COG2: variants seen among roughly 807,000 people sequenced by gnomAD.
COG2 encodes the protein conserved oligomeric Golgi complex subunit 2.
A neutral mutation model predicts 90.6 loss-of-function variants in COG2; 52 were observed. The ratio of observed to expected loss-of-function variants is 0.57; its 90% CI spans 0.46 to 0.72. COG2 has a LOEUF of 0.72. COG2 is among the 30% of genes least tolerant of loss of function. The pLI is 0.00. For synonymous variants in COG2, 337 were observed against 320.4 expected, an observed-to-expected ratio of 1.05 and a Z score of -0.55; for missense variants, 829 against 891.2, an observed-to-expected ratio of 0.93 and a Z score of 0.89.
At position 230,671,657 on chromosome 1, in the gene COG2, T is replaced by C. The variant is rs1201678508; in HGVS notation, c.899+17T>C. The C allele has an allele frequency of 1.2e-6, 2 of 1,610,938 alleles. No homozygotes were observed. Among genetic ancestry groups the C allele is most frequent in the Non-Finnish European group, 1.7e-6 (2 of 1,178,560 alleles). ...CATCTCCAGGTAATTTAAACAACCC[T>C]GTGTGGACCCCCACCTCCCTTTCAG... On this transcript the variant is annotated intron_variant, in intron 8 of 17. Transcript: ENST00000366669.
At chr1:230,664,407 C>A in intron 4 of COG2, 77 bp from the exon 5 acceptor site, 2 of 550,572 alleles carry the variant, frequency 3.6e-6, no homozygotes, top group Non-Finnish European at 6.1e-6. Flanking sequence ...TTTGTATTTT[C>A]CTGTACTTAG....
chr1:230,657,880 T>C (rs1317990911), intron 1 of COG2, among the ~76,000 whole-genome samples: 3 of 152,086 alleles, frequency 2.0e-5, no homozygotes, highest in African/African-American at 7.2e-5. Flanking sequence ...TTGTGTGTGC[T>C]CCACGAAGTT....
chr1:230,693,070 GATAAATTAAC>G (rs1304028878), intron 17 of COG2, among the ~76,000 whole-genome samples: 1 of 152,056 alleles, frequency 6.6e-6, no homozygotes, highest in African/African-American at 2.4e-5. Context: ...GATGAACTGA[GATAAATTAAC>G]ATACTGGCTT....
At chr1:230,669,867 A>G (rs1188477153) in intron 7 of COG2, 1 of 217,426 alleles carries the variant, frequency 4.6e-6, no homozygotes, top group Non-Finnish European at 9.3e-6. Flanking sequence ...TTTTCAAATC[A>G]CTGGTCTTGT....
intron 7 of COG2, chr1:230,670,643 G>T (rs1411054085): frequency 6.6e-6 from 1 of 152,000 alleles, no homozygotes; most frequent in African/African-American, 2.4e-5. Flanking sequence ...GGGGGACAGG[G>T]TCTCACTCTG....
intron 1 of COG2, among the ~76,000 whole-genome samples, chr1:230,647,522 A>C (rs12034415): frequency 0.51 from 76,790 of 151,974 alleles, 20,433 homozygotes; most frequent in East Asian, 0.73. Flanking sequence ...CAGTTTCCTC[A>C]TTTATGTCAT....
Position 230,685,117 on chromosome 1 carries a change from A to G in COG2, c.1261A>G (p.Arg421Gly). Residue 421 changes from arginine to glycine, a missense_variant, in exon 12 of 18, where the codon AGA becomes GGA. By Grantham distance (125) the Arg-to-Gly change is moderately radical. Transcript: ENST00000366669. ...ESPYCLLASHRTWSSLRRCWS... is the reference protein window; with the variant it reads ...ESPYCLLASHGTWSSLRRCWS... ...TCCGTATTGCCTTTTGGCTTCTCAT[A>G]GAACTTGGAGCAGCCTTAGGAGGTG... 2 of 1,614,166 alleles carry G rather than the reference A, an allele frequency of 1.2e-6. No homozygotes were observed. The highest frequency in any genetic ancestry group is 2.2e-5 in the South Asian group (2 of 91,070).
chr1:230,685,073 T>C lies in COG2; in HGVS notation c.1229-12T>C. 6.2e-7 allele frequency: 1 copy of C among 1,613,752 alleles called. No individual in the cohort carries two copies. Among genetic ancestry groups the C allele is most frequent in the South Asian group, 1.1e-5 (1 of 91,006 alleles). On this transcript the variant is annotated splice_polypyrimidine_tract_variant and intron_variant, in intron 11 of 17. Coordinates refer to ENST00000366669, the MANE Select transcript of COG2 (RefSeq NM_007357.3). The stretch of plus-strand genomic sequence containing the variant: ...ATTCCTTAAATGTGTGTTGTTGTTG[T>C]TTTTTCTCTAGCTGAAAGTCCGTAT...
In COG2 at chr1:230,674,983, G is replaced by A. The variant is rs1268603846; in HGVS notation, c.900-15G>A. Reference sequence around the variant, plus strand: ...ATTATGGTATATTTTACTGATATGTGCCCTTATTTTACAGTGAAAAAGGCA... The same window carrying A: ...ATTATGGTATATTTTACTGATATGTACCCTTATTTTACAGTGAAAAAGGCA... On this transcript the variant is annotated splice_polypyrimidine_tract_variant and intron_variant, in intron 8 of 17. Coordinates refer to ENST00000366669, the MANE Select transcript of COG2 (RefSeq NM_007357.3). 2 of 1,595,316 alleles carry A rather than the reference G, an allele frequency of 1.3e-6. No homozygotes were observed. The highest frequency in any genetic ancestry group is 2.3e-5 in the East Asian group (1 of 44,244).
intron 1 of COG2, among the ~76,000 whole-genome samples, chr1:230,654,809 C>G (rs1662010382): frequency 6.6e-6 from 1 of 152,196 alleles, no homozygotes; most frequent in Non-Finnish European, 1.5e-5. Context: ...AGAGGTCCTT[C>G]ACATCCCTTG....
chr1:230,678,772 G>T, intron 9 of COG2, 141 bp from the exon 10 acceptor site: 1 of 1,543,656 alleles, frequency 6.5e-7, no homozygotes, highest in Non-Finnish European at 8.7e-7. Flanking sequence ...TTGGAAGAAA[G>T]ATCTTGTAAG....
chr1:230,663,606 C>T (rs1662244114), intron 4 of COG2, among the ~76,000 whole-genome samples: 1 of 152,116 alleles, frequency 6.6e-6, no homozygotes, highest in Non-Finnish European at 1.5e-5. Flanking sequence ...CCTGTTTTAT[C>T]CACTTATATC....
rs1662902081 is a variant in COG2, at chr1:230,687,076, A to T, written c.1522A>T (p.Ile508Phe). Reference sequence around the variant, plus strand: ...TTCGGAAACAAAGCCTGTGGTTTCCATTTCCCGCACTCAGCTCGTGTATGT... The same window carrying T: ...TTCGGAAACAAAGCCTGTGGTTTCCTTTTCCCGCACTCAGCTCGTGTATGT... The part of the protein sequence containing the change: ...GPSETKPVVS[I>F]SRTQLVYVVA... Residue 508 changes from isoleucine (I) to phenylalanine (F), a missense_variant, in exon 13 of 18, where the codon ATT (isoleucine) becomes TTT (phenylalanine). Transcript: ENST00000366669. 1 of 1,613,552 alleles carries T rather than the reference A, an allele frequency of 6.2e-7. No individual in the cohort carries two copies.
chr1:230,679,699 C>T (rs1662688324), intron 10 of COG2: 1 of 152,234 alleles, frequency 6.6e-6, no homozygotes, highest in Admixed American at 6.5e-5. Flanking sequence ...GAACCCTTAT[C>T]ATACACTGCA....
At chr1:230,667,863 T>C (rs113896731) in intron 5 of COG2, among the ~76,000 whole-genome samples, 83 of 152,308 alleles carry the variant, frequency 5.4e-4, no homozygotes, top group African/African-American at 1.9e-3. Context: ...CAAGTGATTA[T>C]GCCTTTATAC....
At position 230,679,011 on chromosome 1, in the gene COG2, C is replaced by T. The variant is rs748661829; in HGVS notation, c.1125C>T (p.Ser375=). ...TAAGAGCCCATCCTGCCTATCACAG[C>T]TTCAATAAGAAGTGGAACTTGCCTG... ...KRLRAHPAYH[S]FNKKWNLPVY... is the part of the protein sequence containing the mutation. Residue 375 remains serine (S), a synonymous_variant, in exon 10 of 18, where the codon AGC becomes AGT. Coordinates refer to ENST00000366669, the MANE Select transcript of COG2 (RefSeq NM_007357.3). The T allele has an allele frequency of 2.5e-6, 4 of 1,613,608 alleles. No individual in the cohort carries two copies. The highest frequency in any genetic ancestry group is 3.4e-6 in the Non-Finnish European group (4 of 1,179,576).
intron 1 of COG2, among the ~76,000 whole-genome samples, chr1:230,646,586 C>T (rs1661782705): frequency 6.6e-6 from 1 of 152,012 alleles, no homozygotes; most frequent in African/African-American, 2.4e-5. Context: ...TACTTCTGGC[C>T]CAAATACCTT....
chr1:230,659,300 A>G (rs1044966614), intron 1 of COG2, among the ~76,000 whole-genome samples, 164 bp from the exon 2 acceptor site: 2 of 152,214 alleles, frequency 1.3e-5, no homozygotes, highest in Non-Finnish European at 2.9e-5. Flanking sequence ...AAAGCGGACA[A>G]ACACCTTCAT....
At chr1:230,652,189 C>T (rs530906665) in intron 1 of COG2, among the ~76,000 whole-genome samples, 11 of 75,256 alleles carry the variant, frequency 1.5e-4, no homozygotes, top group African/African-American at 3.2e-4. Context: ...CCTCCTCTCC[C>T]GGCACCTTCA....
Sources: gnomAD v4.1 joint callset for allele counts (sites outside exome capture counted in the v4.1 genomes callset) on GRCh38, gnomAD v4.1.1 for gene constraint, MANE v1.5 for transcripts, NCBI Gene and HGNC (gene_info 2026-07-23, HGNC 2026-07-21) for gene names.